The following SRP54 variants were observed in gnomAD, a reference collection of about 807,000 sequenced individuals.
SRP54 encodes signal recognition particle subunit SRP54.
SRP54 carries 10 observed loss-of-function variants against 64.8 expected under a neutral mutation model. That is an observed-to-expected ratio of 0.15 (90% CI 0.10 to 0.26). SRP54 has a LOEUF of 0.26. Among genes scored for constraint, SRP54 ranks in the 10% least tolerant of loss-of-function variants. The pLI, the probability that SRP54 is intolerant of heterozygous loss-of-function variation, is 1.00. For synonymous variants in SRP54, 193 were observed against 185.6 expected (o/e 1.04, Z -0.32); for missense variants, 325 against 613.7 (o/e 0.53, Z 4.97).
chr14:35,008,761 CTT>C lies in SRP54; in HGVS notation c.428-11_428-10del. On this transcript the variant is annotated splice_polypyrimidine_tract_variant and intron_variant, in intron 6 of 15. Transcript: ENST00000216774. ...TTTCAAGTTTGAGGATTCATGAACT[CTT>C]TATCTTCCAGGGGCTTTTGACCAAC... 6.2e-7 allele frequency: 1 copy of C among 1,606,752 alleles called. No individual in the cohort carries two copies. The highest frequency in any genetic ancestry group is 8.5e-7 in the Non-Finnish European group (1 of 1,177,922).
chr14:34,995,134 G>GGTGTGTGT (rs35829734), intron 1 of SRP54, among the ~76,000 whole-genome samples: 1,171 of 70,148 alleles, frequency 0.017, 13 homozygotes, highest in East Asian at 0.022. Context: ...ATCAATAAAG[G>GGTGTGTGT]GTGTGTGTGT....
At chr14:35,014,969 G>T in intron 11 of SRP54, 139 bp downstream of exon 11, 1 of 568,094 alleles carries the variant, frequency 1.8e-6, no homozygotes, top group Non-Finnish European at 3.0e-6. Flanking sequence ...TGATTTATAT[G>T]CAAATCATTT....
At chr14:35,018,570 T>G in intron 11 of SRP54, 122 bp from the exon 12 acceptor site, 1 of 753,166 alleles carries the variant, frequency 1.3e-6, no homozygotes, top group Non-Finnish European at 2.2e-6. Context: ...TTGGTGAATA[T>G]TTATTGATGT....
intron 1 of SRP54, among the ~76,000 whole-genome samples, chr14:34,995,066 G>A (rs1469485438): frequency 6.8e-6 from 1 of 147,548 alleles, no homozygotes; most frequent in Non-Finnish European, 1.5e-5. Context: ...ACAGACATGA[G>A]CCACTGTACC....
chr14:35,022,797 A>G (rs1276206400), intron 13 of SRP54, 113 bp from the exon 14 acceptor site: 14 of 740,510 alleles, frequency 1.9e-5, no homozygotes, highest in Non-Finnish European at 2.0e-6. Context: ...TGAGATAGTT[A>G]TCACTTTAAA....
intron 1 of SRP54, among the ~76,000 whole-genome samples, chr14:34,987,286 TAC>T (rs374149631): frequency 0.14 from 14,177 of 99,810 alleles, 897 homozygotes; most frequent in Non-Finnish European, 0.21. Context: ...TATATATATA[TAC>T]ACACACACAC....
At chr14:34,988,179 A>G (rs1446566273) in intron 1 of SRP54, among the ~76,000 whole-genome samples, 2 of 152,180 alleles carry the variant, frequency 1.3e-5, no homozygotes, top group East Asian at 3.8e-4. Flanking sequence ...ATAAAGGTGA[A>G]TTATTTCCTT....
chr14:35,013,755 T>G (rs1476617185), intron 9 of SRP54, 47 bp from the exon 10 acceptor site: 6 of 1,504,724 alleles, frequency 4.0e-6, no homozygotes, highest in South Asian at 1.2e-5. Context: ...TGCTGGAAAT[T>G]TGTGGGGTTC....
intron 1 of SRP54, among the ~76,000 whole-genome samples, chr14:34,984,301 C>T (rs2138951832): frequency 6.6e-6 from 1 of 152,178 alleles, no homozygotes. Context: ...TCCTATGTGC[C>T]ATGGAGAAAG....
chr14:35,007,103 G>A (rs1376660661), intron 4 of SRP54, among the ~76,000 whole-genome samples, 180 bp from the exon 5 acceptor site: 1 of 152,134 alleles, frequency 6.6e-6, no homozygotes, highest in African/African-American at 2.4e-5. Flanking sequence ...TGAAGTGGGA[G>A]CATCATTTGA....
intron 1 of SRP54, among the ~76,000 whole-genome samples, chr14:34,995,135 GTGTGTGTGTGTGTGTGT>G (rs2044048801): frequency 1.8e-3 from 101 of 56,692 alleles, no homozygotes; most frequent in East Asian, 4.3e-3. Context: ...TCAATAAAGG[GTGTGTGTGTGTGTGTGT>G]GTGTGTGTGT....
At chr14:35,027,903 AGTAT>A (rs1393426244) in intron 14 of SRP54, 181 bp from the exon 15 acceptor site, 4 of 377,844 alleles carry the variant, frequency 1.1e-5, no homozygotes, top group Non-Finnish European at 1.9e-5. Context: ...TTCAAAAAAT[AGTAT>A]GTAATTGAGA....
chr14:35,018,633 T>C, intron 11 of SRP54, 59 bp from the exon 12 acceptor site: 1 of 1,351,974 alleles, frequency 7.4e-7, no homozygotes, highest in Non-Finnish European at 1.0e-6. Context: ...ATAAATTAGT[T>C]TTGTTGAATG....
At chr14:35,003,098 G>A (rs1448103519) in intron 4 of SRP54, among the ~76,000 whole-genome samples, 1 of 152,110 alleles carries the variant, frequency 6.6e-6, no homozygotes, top group African/African-American at 2.4e-5. Context: ...GGAGCATCAA[G>A]TGCTTTATTA....
At chr14:35,028,569 T>A (rs2044671893) in intron 15 of SRP54, among the ~76,000 whole-genome samples, 1 of 152,150 alleles carries the variant, frequency 6.6e-6, no homozygotes, top group Non-Finnish European at 1.5e-5. Flanking sequence ...TTCGGTAAAA[T>A]CACAGATCAT....
intron 10 of SRP54, 59 bp downstream of exon 10, chr14:35,013,961 C>T: frequency 7.4e-6 from 9 of 1,214,654 alleles, no homozygotes; most frequent in Non-Finnish European, 1.1e-5. Context: ...ATCTTTAGGA[C>T]AAAATAGGAT....
At chr14:35,014,680 GT>G in intron 10 of SRP54, 63 bp from the exon 11 acceptor site, 2 of 1,241,804 alleles carry the variant, frequency 1.6e-6, no homozygotes. Context: ...ATGTGAATGT[GT>G]TTTGTATAAT....
intron 11 of SRP54, among the ~76,000 whole-genome samples, chr14:35,015,840 G>A (rs1162727227): frequency 1.3e-5 from 2 of 152,108 alleles, no homozygotes; most frequent in African/African-American, 2.4e-5. Context: ...GGGATCATTC[G>A]AAGTTATCTT....
chr14:35,007,292 C>G lies in SRP54; in HGVS notation c.265C>G (p.Pro89Ala). ...VFKELVKLVD[P>A]GVKAWTPTKG... ...TATTTTTGGTATTTAGCTTGTAGAC[C>G]CTGGAGTTAAGGCATGGACACCCAC... The change falls in exon 5 of 16, where the codon CCT (proline) becomes GCT (alanine). Residue 89 changes from proline (P) to alanine (A), a missense_variant. Transcript: ENST00000216774. 6.3e-7 allele frequency: 1 copy of G among 1,578,750 alleles called. No individual in the cohort carries two copies. Among genetic ancestry groups the G allele is most frequent in the South Asian group, 1.2e-5 (1 of 86,660 alleles).
Sources: gnomAD v4.1 joint callset for allele counts (sites outside exome capture counted in the v4.1 genomes callset) on GRCh38, gnomAD v4.1.1 for gene constraint, MANE v1.5 for transcripts, NCBI Gene and HGNC (gene_info 2026-07-23, HGNC 2026-07-21) for gene names.